Variants in POLR2G observed in about 807,000 individuals in gnomAD.
POLR2G encodes RNA polymerase II subunit G.
In POLR2G, 19 loss-of-function variants were observed where a neutral mutation model predicts 25.7. That is an observed-to-expected ratio of 0.74 (90% CI 0.52 to 1.08). POLR2G has a LOEUF of 1.08. Among genes scored for constraint, POLR2G ranks in the 50% least tolerant of loss-of-function variants. The pLI is 0.00. For synonymous variants in POLR2G, 79 were observed against 76.0 expected (o/e 1.04, Z -0.21); for missense variants, 123 against 218.5 (o/e 0.56, Z 2.76).
chr11:62,766,144 G>C (rs2084114940), intron 6 of POLR2G, 99 bp from the exon 7 acceptor site: 1 of 1,026,570 alleles, frequency 9.7e-7, no homozygotes, highest in Non-Finnish European at 1.5e-6. Context: ...TCTTCTGCCA[G>C]GAAGAAGGGA....
chr11:62,766,211 G>A (rs776420406), intron 6 of POLR2G, 32 bp from the exon 7 acceptor site: 50 of 1,609,322 alleles, frequency 3.1e-5, no homozygotes, highest in Non-Finnish European at 3.5e-5. Context: ...GCTCATCTTG[G>A]CTTCACTTTC....
At chr11:62,765,574 C>CG in intron 5 of POLR2G, 79 bp from the exon 6 acceptor site, 1 of 1,148,496 alleles carries the variant, frequency 8.7e-7, no homozygotes, top group Middle Eastern at 1.9e-4. Flanking sequence ...AATATGCCCC[C>CG]GGGCTTACAG....
chr11:62,766,364 C>A, intron 7 of POLR2G, 88 bp downstream of exon 7: 2 of 1,511,980 alleles, frequency 1.3e-6, no homozygotes, highest in Non-Finnish European at 1.8e-6. Context: ...ATGCCCAAAT[C>A]AGAGAGACAG....
At chr11:62,763,480 C>T (rs1171317335) in intron 3 of POLR2G, among the ~76,000 whole-genome samples, 1 of 151,220 alleles carries the variant, frequency 6.6e-6, no homozygotes, top group South Asian at 2.1e-4. Flanking sequence ...ATTTTTAGTA[C>T]AGACGGGGTT....
intron 2 of POLR2G, chr11:62,762,509 A>T (rs913194350): frequency 2.3e-6 from 1 of 426,490 alleles, no homozygotes; most frequent in South Asian, 1.6e-5. Flanking sequence ...CTGCAGGAAC[A>T]TGCAGATTCC....
chr11:62,762,758 C>G, intron 2 of POLR2G, 109 bp from the exon 3 acceptor site: 1 of 790,258 alleles, frequency 1.3e-6, no homozygotes, highest in Non-Finnish European at 2.1e-6. Flanking sequence ...ATCTACTTGT[C>G]CTTTTGCTCT....
At chr11:62,762,699 T>A (rs2084094652) in intron 2 of POLR2G, 168 bp from the exon 3 acceptor site, 4 of 633,882 alleles carry the variant, frequency 6.3e-6, no homozygotes, top group Non-Finnish European at 1.2e-5. Flanking sequence ...CATACTGATC[T>A]CTGTTCTGTC....
At chr11:62,762,392 G>A in intron 2 of POLR2G, 1 of 254,812 alleles carries the variant, frequency 3.9e-6, no homozygotes, top group South Asian at 4.1e-5. Context: ...GAAGTAGCCT[G>A]GGATTTGACC....
intron 3 of POLR2G, among the ~76,000 whole-genome samples, chr11:62,763,287 A>G (rs2439912): frequency 1.7e-4 from 24 of 144,302 alleles, no homozygotes; most frequent in African/African-American, 6.2e-4. Flanking sequence ...ACGTGCCACC[A>G]TGGCCGGCTA....
rs1043900600 is a variant in POLR2G at position 62,762,866 on chromosome 11, G to A, written c.123-1G>A. 1 of 1,587,242 alleles carries A rather than the reference G, an allele frequency of 6.3e-7. No homozygotes were observed. The highest frequency in any genetic ancestry group is 1.3e-5 in the African/African-American group (1 of 74,162). On this transcript the variant is annotated splice_acceptor_variant, in intron 2 of 7. Coordinates refer to ENST00000301788, the MANE Select transcript of POLR2G (RefSeq NM_002696.3). LOFTEE classifies it high-confidence loss of function. ...CTTCCTGTTTCTCATCCTCCTTGCA[G>A]GTATGGCTTTGTAATTGCTGTCACC... is the stretch of plus-strand genomic sequence containing the variant.
chr11:62,766,008 C>T (rs1235097609), intron 6 of POLR2G, among the ~76,000 whole-genome samples: 3 of 151,814 alleles, frequency 2.0e-5, no homozygotes, highest in African/African-American at 4.8e-5. Flanking sequence ...AGGATGGTCT[C>T]GATCTCCTGA....
Position 62,761,617 on chromosome 11 carries a change from G to T in POLR2G, c.-32G>T. ...TGGATTCCCAGGGACTGTCGGAGGT[G>T]TGGACTCTGCCTGCCTACCTGGTCT... On this transcript the variant is annotated 5_prime_UTR_variant, in exon 1 of 8. Coordinates refer to ENST00000301788, the MANE Select transcript of POLR2G (RefSeq NM_002696.3). The T allele has an allele frequency of 6.2e-7, 1 of 1,600,444 alleles. No individual in the cohort carries two copies. The highest frequency in any genetic ancestry group is 8.5e-7 in the Non-Finnish European group (1 of 1,173,036).
chr11:62,763,754 T>TA (rs2084100997), intron 3 of POLR2G, among the ~76,000 whole-genome samples: 1 of 151,574 alleles, frequency 6.6e-6, no homozygotes. Context: ...GGGTTTTTTT[T>TA]TTTTTTTGAG....
At chr11:62,762,453 C>A in intron 2 of POLR2G, 1 of 337,848 alleles carries the variant, frequency 3.0e-6, no homozygotes. Context: ...GAGCTGGGAC[C>A]CAGCTCAGGG....
rs1337340069 is a variant in POLR2G, at chr11:62,765,600, GTAA to G, written c.400-52_400-50del. On this transcript the variant is annotated intron_variant, in intron 5 of 7. Transcript: ENST00000301788. Reference sequence around the variant, plus strand: ...GGGCTTACAGTGAAGTGATTGTGATGTAACTTCTCATAAACTGAGGAGCATCTG... The same window carrying G: ...GGGCTTACAGTGAAGTGATTGTGATGCTTCTCATAAACTGAGGAGCATCTG... 5 of 1,313,808 alleles carry G rather than the reference GTAA, an allele frequency of 3.8e-6. No homozygotes were observed. In the African/African-American group the frequency reaches 7.2e-5, roughly 19 times the overall value. The allele number at this position is 1,313,808 out of a possible 1,614,324, so 81.4% of individuals were successfully genotyped here. A position where few individuals can be genotyped will look rare whatever the true frequency, so the allele number is the denominator to read the frequency against.
In POLR2G at chr11:62,766,273, T is replaced by C. The variant is rs150186672; in HGVS notation, c.502T>C (p.Leu168=). The change falls in exon 7 of 8, where the codon TTG becomes CTG. Residue 168 remains leucine (L), a synonymous_variant. Coordinates refer to ENST00000301788, the MANE Select transcript of POLR2G (RefSeq NM_002696.3). The stretch of plus-strand genomic sequence containing the variant: ...TATTGGCTCCCTGATGGACGATTAC[T>C]TGGGTGAGTGCCTGATCATAGGTGC... The part of the protein sequence containing the change: ...FAIGSLMDDY[L]GLVS 4.8e-5 allele frequency: 78 copies of C among 1,613,492 alleles called. 1 individual carries two copies. The highest frequency in any genetic ancestry group is 3.9e-5 in the Non-Finnish European group (46 of 1,179,578).
Position 62,761,899 on chromosome 11 carries a change from A to T in POLR2G, c.117A>T (p.Thr39=), listed in dbSNP as rs571234011. The change falls in exon 2 of 8, where the codon ACA becomes ACT. Residue 39 remains threonine, a synonymous_variant. Transcript: ENST00000301788. ...TCACCGAGGTGGAGGGGACCTGCAC[A>T]GGGAAGTGAGTGTCGAGCTCACCGC... ...KLFTEVEGTC[T]GKYGFVIAVT... is the part of the protein sequence containing the mutation. The T allele has an allele frequency of 6.2e-7, 1 of 1,602,226 alleles. No homozygotes were observed. The highest frequency in any genetic ancestry group is 1.7e-5 in the Admixed American group (1 of 59,982).
chr11:62,765,318 C>G, intron 4 of POLR2G, 22 bp from the exon 5 acceptor site: 1 of 1,608,710 alleles, frequency 6.2e-7, no homozygotes, highest in Non-Finnish European at 8.5e-7. Context: ...AAGTGCTAAC[C>G]TAGATCTCAC....
At position 62,761,606 on chromosome 11, in the gene POLR2G, C is replaced by T; in HGVS notation, c.-43C>T. 6.3e-7 allele frequency: 1 copy of T among 1,583,448 alleles called. No homozygotes were observed. Among genetic ancestry groups the T allele is most frequent in the Non-Finnish European group, 8.6e-7 (1 of 1,163,988 alleles). On this transcript the variant is annotated 5_prime_UTR_variant, in exon 1 of 8. Coordinates refer to ENST00000301788, the MANE Select transcript of POLR2G (RefSeq NM_002696.3). ...AGTGTTTCCGGTGGATTCCCAGGGACTGTCGGAGGTGTGGACTCTGCCTGC... is the reference window on the plus strand; with the variant it reads ...AGTGTTTCCGGTGGATTCCCAGGGATTGTCGGAGGTGTGGACTCTGCCTGC...
Sources: allele counts gnomAD v4.1 joint callset (sites outside exome capture counted in the v4.1 genomes callset), GRCh38; gene constraint gnomAD v4.1.1; transcripts MANE v1.5; gene names NCBI Gene and HGNC (gene_info 2026-07-23, HGNC 2026-07-21).